STAT1: variants seen among roughly 807,000 people sequenced by gnomAD.
The protein encoded by STAT1 is signal transducer and activator of transcription 1-alpha/beta.
Under a neutral mutation model 111.7 loss-of-function variants are expected in STAT1, and 24 were observed. The ratio of observed to expected loss-of-function variants is 0.21; its 90% CI spans 0.16 to 0.30. The LOEUF is 0.30. STAT1 is among the 10% of genes least tolerant of loss of function. The pLI is 1.00. For missense variants in STAT1, 351 were observed against 911.9 expected (o/e 0.38, Z 7.92); for synonymous variants, 332 against 326.5 (o/e 1.02, Z -0.18).
Position 190,996,400 on chromosome 2 carries a change from A to G in STAT1, c.786-1181T>C, listed in dbSNP as rs1241209459. 6.6e-6 allele frequency among the ~76,000 whole-genome samples: 1 copy of G among 152,260 alleles called. No individual in the cohort carries two copies. The highest frequency in any genetic ancestry group is 1.5e-5 in the Non-Finnish European group (1 of 68,044). ...CTTCGTCAGGAAAGGAGAAGGCAGG[A>G]TAACGGCTGGCTGAGTTCCAGCGGA... On this transcript the variant is annotated intron_variant, in intron 9 of 24. Coordinates refer to ENST00000361099, the MANE Select transcript of STAT1 (RefSeq NM_007315.4). The surrounding 1 kb of genome is among the most constrained non-coding windows in gnomAD (Gnocchi z 4.5).
At chr2:190,994,927 A>AAAAAAAATAT (rs1165918318) in intron 10 of STAT1, 134 bp downstream of exon 10, 3 of 134,084 alleles carry the variant, frequency 2.2e-5, no homozygotes, top group African/African-American at 1.2e-4. Flanking sequence ...AAAAAAAAAA[A>AAAAAAAATAT]ATATATATAT....
In STAT1 at chr2:190,971,341, A is replaced by G. The variant is rs534494768; in HGVS notation, c.2239-624T>C. Among the ~76,000 whole-genome samples the G allele has an allele frequency of 1.3e-5, 2 of 152,234 alleles. No individual in the cohort carries two copies. The highest frequency in any genetic ancestry group is 4.8e-5 in the African/African-American group (2 of 41,554). Reference sequence around the variant, plus strand: ...TTAGACCAGATGCTTTCAATCGAGGATGATTCTGTCCCCTGGCAATGGCTG... The same window carrying G: ...TTAGACCAGATGCTTTCAATCGAGGGTGATTCTGTCCCCTGGCAATGGCTG... On this transcript the variant is annotated intron_variant, in intron 24 of 24. Coordinates refer to ENST00000361099, the MANE Select transcript of STAT1 (RefSeq NM_007315.4). This position sits in a 1 kb window ranked among gnomAD's most constrained non-coding sequence, Gnocchi z 4.1.
At position 190,984,310 on chromosome 2, in the gene STAT1, C is replaced by G. The variant is rs1381054494; in HGVS notation, c.1347G>C (p.Glu449Asp). The G allele has an allele frequency of 6.2e-7, 1 of 1,612,836 alleles. No homozygotes were observed. The highest frequency in any genetic ancestry group is 1.1e-5 in the South Asian group (1 of 91,052). The change falls in exon 16 of 25, where the codon GAG (glutamate) becomes GAC (aspartate). Residue 449 changes from glutamate to aspartate, a missense_variant and splice_region_variant. Glu to Asp is a conservative substitution (Grantham distance 45). Around this residue, in one of 7 missense-constraint regions of STAT1, gnomAD observed 181 missense variants for 426.1 expected, o/e 0.42. Coordinates refer to ENST00000361099, the MANE Select transcript of STAT1 (RefSeq NM_007315.4). This position sits in a 1 kb window ranked among gnomAD's most constrained non-coding sequence, Gnocchi z 5.2. ...CAACTCGGGACCATAAAAGTCTTAC[C>G]TCGAGGTCAATTACCAAACCAGGCT... ...LCQPGLVIDL[E>D]TTSLPVVVIS... is the part of the protein sequence containing the mutation.
rs1691859713 is a variant in STAT1 at position 190,975,743 on chromosome 2, A to AAAAGTAAAAT, written c.2135+68_2135+69insATTTTACTTT. 1 of 1,606,382 alleles carries AAAAGTAAAAT rather than the reference A, an allele frequency of 6.2e-7. No homozygotes were observed. Among genetic ancestry groups the AAAAGTAAAAT allele is most frequent in the Admixed American group, 1.7e-5 (1 of 59,112 alleles). On this transcript the variant is annotated intron_variant, in intron 23 of 24. Coordinates refer to ENST00000361099, the MANE Select transcript of STAT1 (RefSeq NM_007315.4). This position sits in a 1 kb window ranked among gnomAD's most constrained non-coding sequence, Gnocchi z 5.9. ...GGAAAAGTAAAATACAAGCATCTTC[A>AAAAGTAAAAT]ACAGGCCCCAGCCAGGAGCAAGGCT...
intron 3 of STAT1, 116 bp from the exon 4 acceptor site, chr2:191,009,223 AGGTTTATTT>A: frequency 2.3e-6 from 3 of 1,295,612 alleles, no homozygotes; most frequent in Non-Finnish European, 3.2e-6. Context: ...GTATTTTCTT[AGGTTTATTT>A]TCTTCTTTTG....
At chr2:191,010,074 G>A in intron 2 of STAT1, 70 bp from the exon 3 acceptor site, 1 of 1,563,564 alleles carries the variant, frequency 6.4e-7, no homozygotes, top group South Asian at 1.1e-5. Flanking sequence ...AGCCTTCCTA[G>A]CATCAGGTTG....
chr2:190,985,321 T>A (rs1011664619), intron 15 of STAT1, among the ~76,000 whole-genome samples: 15 of 152,174 alleles, frequency 9.9e-5, no homozygotes, highest in African/African-American at 3.6e-4. Context: ...CCTGCAAACT[T>A]CTGTGAGTCA....
At chr2:190,988,540 G>C (rs1693049827) in intron 12 of STAT1, among the ~76,000 whole-genome samples, 1 of 152,114 alleles carries the variant, frequency 6.6e-6, no homozygotes, top group African/African-American at 2.4e-5. Context: ...CACCACACCT[G>C]GCTAATTTTT....
chr2:190,992,888 C>T (rs1166385546), intron 10 of STAT1: 3 of 272,714 alleles, frequency 1.1e-5, no homozygotes, highest in South Asian at 6.7e-5. Context: ...CACCTGGGTT[C>T]GAGCAATTCT....
At position 190,993,728 on chromosome 2, in the gene STAT1, C is replaced by T. The variant is rs1362968932; in HGVS notation, c.944+1333G>A. Among the ~76,000 whole-genome samples, 4 of 152,010 alleles carry T rather than the reference C, an allele frequency of 2.6e-5. No homozygotes were observed. Among genetic ancestry groups the T allele is most frequent in the Non-Finnish European group, 5.9e-5 (4 of 68,010 alleles). ...CCCCCTGGAACGCAATCAGCAGCCG[C>T]TGCCACTCAGCTATTGCTTCCACCC... On this transcript the variant is annotated intron_variant, in intron 10 of 24. Coordinates refer to ENST00000361099, the MANE Select transcript of STAT1 (RefSeq NM_007315.4). This position sits in a 1 kb window ranked among gnomAD's most constrained non-coding sequence, Gnocchi z 4.1.
intron 14 of STAT1, among the ~76,000 whole-genome samples, chr2:190,985,945 C>T (rs1345365556): frequency 3.3e-5 from 5 of 152,218 alleles, no homozygotes; most frequent in African/African-American, 4.8e-5. Flanking sequence ...CATGCACCTT[C>T]GTTAACTGTT....
chr2:190,973,766 CA>C lies in STAT1; in HGVS notation c.2238+1063del. 6.6e-6 allele frequency among the ~76,000 whole-genome samples: 1 copy of C among 152,242 alleles called. No individual in the cohort carries two copies. The highest frequency in any genetic ancestry group is 1.9e-4 in the East Asian group (1 of 5,188). ...TGTTTTTCTAAATGGCCTATTTCGT[CA>C]ACAACAATCAGGAAAGTGTAGGAAG... On this transcript the variant is annotated intron_variant, in intron 24 of 24. Coordinates refer to ENST00000361099, the MANE Select transcript of STAT1 (RefSeq NM_007315.4). The surrounding 1 kb of genome is among the most constrained non-coding windows in gnomAD (Gnocchi z 4.4).
chr2:190,993,091 T>A lies in STAT1; in HGVS notation c.945-1771A>T. ...AGGCATGAGCCACCGTGCCGGGCCT[T>A]GTTGCATTCCTAGCACTAGTTTCCA... is the stretch of plus-strand genomic sequence containing the variant. On this transcript the variant is annotated intron_variant, in intron 10 of 24. Coordinates refer to ENST00000361099, the MANE Select transcript of STAT1 (RefSeq NM_007315.4). This position sits in a 1 kb window ranked among gnomAD's most constrained non-coding sequence, Gnocchi z 4.1. 2.6e-6 allele frequency: 1 copy of A among 384,582 alleles called. No homozygotes were observed. Among genetic ancestry groups the A allele is most frequent in the South Asian group, 2.2e-5 (1 of 45,024 alleles). 23.8% of individuals were successfully genotyped at this position (384,582 alleles called of 1,614,324 possible). A position where few individuals can be genotyped will look rare whatever the true frequency, so the allele number is the denominator to read the frequency against.
In STAT1 at chr2:191,000,361, A is replaced by G. The variant is rs1306441003; in HGVS notation, c.463-657T>C. Among the ~76,000 whole-genome samples the G allele has an allele frequency of 2.0e-5, 3 of 152,226 alleles. No homozygotes were observed. Among genetic ancestry groups the G allele is most frequent in the African/African-American group, 7.2e-5 (3 of 41,466 alleles). ...GGAGACCGCAAGATGAAGTTGCTCC[A>G]AAGAATGTGGAGTTTGGAAAGATGC... On this transcript the variant is annotated intron_variant, in intron 6 of 24. Coordinates refer to ENST00000361099, the MANE Select transcript of STAT1 (RefSeq NM_007315.4). The surrounding 1 kb of genome is among the most constrained non-coding windows in gnomAD (Gnocchi z 4.8).
rs1453688813 is a variant in STAT1, at chr2:190,986,288, T to C, written c.1221+566A>G. ...CTTCGGACTCAGCACCCACAGAGCC[T>C]CACAGCAACTGGCAGCCCCCATGTT... On this transcript the variant is annotated intron_variant, in intron 14 of 24. Coordinates refer to ENST00000361099, the MANE Select transcript of STAT1 (RefSeq NM_007315.4). The surrounding 1 kb of genome is among the most constrained non-coding windows in gnomAD (Gnocchi z 5.0). Among the ~76,000 whole-genome samples, 1 of 152,160 alleles carries C rather than the reference T, an allele frequency of 6.6e-6. No individual in the cohort carries two copies. Among genetic ancestry groups the C allele is most frequent in the Non-Finnish European group, 1.5e-5 (1 of 68,014 alleles).
chr2:191,000,874 A>G lies in STAT1; in HGVS notation c.462+200T>C, dbSNP rs1415868267. 6.6e-6 allele frequency among the ~76,000 whole-genome samples: 1 copy of G among 152,232 alleles called. No homozygotes were observed. Among genetic ancestry groups the G allele is most frequent in the African/African-American group, 2.4e-5 (1 of 41,464 alleles). On this transcript the variant is annotated intron_variant, in intron 6 of 24. Coordinates refer to ENST00000361099, the MANE Select transcript of STAT1 (RefSeq NM_007315.4). This position sits in a 1 kb window ranked among gnomAD's most constrained non-coding sequence, Gnocchi z 4.8. ...AAGCTAAACTCAATGTTTGGCAGTT[A>G]TAAGAGGCCATTCAAAAAGTCTATC...
In STAT1 at chr2:190,993,740, T is replaced by C. The variant is rs1559016194; in HGVS notation, c.944+1321A>G. 1.3e-5 allele frequency among the ~76,000 whole-genome samples: 2 copies of C among 152,000 alleles called. No homozygotes were observed. The highest frequency in any genetic ancestry group is 2.9e-5 in the Non-Finnish European group (2 of 68,002). On this transcript the variant is annotated intron_variant, in intron 10 of 24. Transcript: ENST00000361099. The surrounding 1 kb of genome is among the most constrained non-coding windows in gnomAD (Gnocchi z 4.1). ...CAATCAGCAGCCGCTGCCACTCAGC[T>C]ATTGCTTCCACCCAAAATCAAGTAC...
intron 3 of STAT1, 83 bp downstream of exon 3, chr2:191,009,793 C>T: frequency 1.3e-6 from 2 of 1,541,240 alleles, no homozygotes; most frequent in Non-Finnish European, 1.8e-6. Context: ...ATTCATCTTC[C>T]AGTAAACATG....
At position 190,970,467 on chromosome 2, in the gene STAT1, C is replaced by G. The variant is rs1398246936; in HGVS notation, c.*236G>C. The G allele has an allele frequency of 1.7e-6, 1 of 584,204 alleles. No individual in the cohort carries two copies. The highest frequency in any genetic ancestry group is 3.0e-5 in the East Asian group (1 of 33,650). 36.2% of individuals were successfully genotyped at this position (584,204 alleles called of 1,614,324 possible). On this transcript the variant is annotated 3_prime_UTR_variant, in exon 25 of 25. Transcript: ENST00000361099. This position sits in a 1 kb window ranked among gnomAD's most constrained non-coding sequence, Gnocchi z 5.4. ...TCTGGATGTTTTTCACTTGTGAAAC[C>G]CACTCTTCAGAGAATGCCTTTCAAT... is the stretch of plus-strand genomic sequence containing the variant.
Sources: gnomAD v4.1 joint callset for allele counts (sites outside exome capture counted in the v4.1 genomes callset) on GRCh38, gnomAD v4.1.1 for gene constraint, gnomAD v4.1.1 regional missense constraint, Gnocchi (gnomAD v3.1) non-coding constraint, MANE v1.5 for transcripts, NCBI Gene and HGNC (gene_info 2026-07-23, HGNC 2026-07-21) for gene names.